Variants in ILKAP observed in about 807,000 individuals in gnomAD.
The protein encoded by ILKAP is ILK associated serine/threonine phosphatase, also known as integrin-linked kinase-associated serine/threonine phosphatase 2C.
ILKAP carries 11 observed loss-of-function variants against 49.1 expected under a neutral mutation model. The observed-to-expected ratio is 0.22, with a 90% confidence interval of 0.14 to 0.37. The LOEUF is 0.37. Ranked by LOEUF, ILKAP falls within the 10% of genes least tolerant of loss-of-function variation. The pLI, the probability that ILKAP is intolerant of heterozygous loss-of-function variation, is 1.00. For synonymous variants in ILKAP, 186 were observed against 192.8 expected, an observed-to-expected ratio of 0.96 and a Z score of 0.29; for missense variants, 363 against 510.8, an observed-to-expected ratio of 0.71 and a Z score of 2.79.
chr2:238,182,131 C>T lies in ILKAP; in HGVS notation c.770G>A (p.Ser257Asn). 2 of 1,613,874 alleles carry T rather than the reference C, an allele frequency of 1.2e-6. No individual in the cohort carries two copies. The highest frequency in any genetic ancestry group is 1.7e-6 in the Non-Finnish European group (2 of 1,179,842). Reference sequence around the variant, plus strand: ...ATACTGAGTTGGATTATGCTCTTTGCTGAGGCTTAAGGCTGCATGTTTTTG... The same window carrying T: ...ATACTGAGTTGGATTATGCTCTTTGTTGAGGCTTAAGGCTGCATGTTTTTG... The part of the protein sequence containing the change: ...ESQKHAALSL[S>N]KEHNPTQYEE... The change falls in exon 9 of 12, where the codon AGC becomes AAC. Residue 257 changes from serine (S) to asparagine (N), a missense_variant. This residue lies in a region of ILKAP where 166 missense variants were observed against 307.3 expected (regional missense o/e 0.54). Coordinates refer to ENST00000254654, the MANE Select transcript of ILKAP (RefSeq NM_030768.3).
intron 3 of ILKAP, among the ~76,000 whole-genome samples, chr2:238,190,590 G>GT (rs1559297643): frequency 6.6e-6 from 1 of 152,168 alleles, no homozygotes; most frequent in Non-Finnish European, 1.5e-5. Flanking sequence ...TCACCCGTGC[G>GT]TAACATGGTA....
intron 8 of ILKAP, 46 bp downstream of exon 8, chr2:238,183,607 C>T: frequency 7.5e-7 from 1 of 1,339,528 alleles, no homozygotes; most frequent in Non-Finnish European, 1.1e-6. Context: ...GTCTTTTCCC[C>T]ATAAAACGTA....
intron 1 of ILKAP, among the ~76,000 whole-genome samples, chr2:238,198,341 C>G (rs1295861819): frequency 6.6e-6 from 1 of 152,032 alleles, no homozygotes; most frequent in Non-Finnish European, 1.5e-5. Context: ...TGGGCTCAAG[C>G]AATCCTCCCT....
chr2:238,200,169 A>G (rs375230321), intron 1 of ILKAP, among the ~76,000 whole-genome samples: 2 of 151,892 alleles, frequency 1.3e-5, no homozygotes, highest in Admixed American at 6.6e-5. Flanking sequence ...ATGACATAGG[A>G]AAGTTCCATT....
rs1207547138 is a variant in ILKAP, at chr2:238,184,194, TTGTTTTA to T, written c.533-88_533-82del. 10 of 874,848 alleles carry T rather than the reference TTGTTTTA, an allele frequency of 1.1e-5. No individual in the cohort carries two copies. The East Asian group carries it at 2.2e-4, about 19-fold the overall frequency. 54.2% of individuals were successfully genotyped at this position (874,848 alleles called of 1,614,324 possible). Reference sequence around the variant, plus strand: ...TCCCACTGTCATTTTGGTTTGTTTTTTGTTTTATTTTTTTGAGACGGAGTCTCGTTCT... The same window carrying T: ...TCCCACTGTCATTTTGGTTTGTTTTTTTTTTTTGAGACGGAGTCTCGTTCT... On this transcript the variant is annotated intron_variant, in intron 6 of 11. Transcript: ENST00000254654.
intron 9 of ILKAP, among the ~76,000 whole-genome samples, chr2:238,181,442 AAG>A (rs1559291773): frequency 1.3e-5 from 2 of 152,202 alleles, no homozygotes; most frequent in South Asian, 2.1e-4. Flanking sequence ...CAAAGATTTA[AAG>A]AGAGAGTGAA....
intron 9 of ILKAP, among the ~76,000 whole-genome samples, chr2:238,180,919 C>T (rs559468795): frequency 4.6e-5 from 7 of 152,346 alleles, no homozygotes; most frequent in African/African-American, 1.7e-4. Flanking sequence ...GTTAGAGTCA[C>T]ATTCTCAGGC....
At chr2:238,183,985 A>T in intron 7 of ILKAP, 35 bp downstream of exon 7, 1 of 1,286,990 alleles carries the variant, frequency 7.8e-7, no homozygotes, top group Non-Finnish European at 1.1e-6. Flanking sequence ...CACCACACAC[A>T]GTCCACTCAA....
intron 2 of ILKAP, 48 bp from the exon 3 acceptor site, chr2:238,194,379 C>T: frequency 1.3e-6 from 2 of 1,577,728 alleles, no homozygotes; most frequent in Non-Finnish European, 1.7e-6. Context: ...ATATGTAAGA[C>T]TTAAGTTTCA....
At chr2:238,189,213 G>T (rs775318707) in intron 4 of ILKAP, among the ~76,000 whole-genome samples, 23 of 152,144 alleles carry the variant, frequency 1.5e-4, no homozygotes, top group Non-Finnish European at 3.4e-4. Flanking sequence ...AGCTACTCGG[G>T]AGGCTGAGGT....
intron 6 of ILKAP, among the ~76,000 whole-genome samples, chr2:238,184,953 G>A (rs954293043): frequency 1.3e-5 from 2 of 152,096 alleles, no homozygotes; most frequent in Admixed American, 6.6e-5. Context: ...ACCCAAAGAC[G>A]ATTGACAAAA....
rs148640129 is a variant in ILKAP, at chr2:238,192,404, A to G, written c.178+1871T>C. ...TTTGTAAATGGTTCCTGCCCGCTTA[A>G]GAATGTGTTATCGGGCCGGGCAAGG... On this transcript the variant is annotated intron_variant, in intron 3 of 11. Transcript: ENST00000254654. 5.8e-4 allele frequency among the ~76,000 whole-genome samples: 88 copies of G among 152,072 alleles called. 1 individual carries two copies. Among genetic ancestry groups the G allele is most frequent in the African/African-American group, 2.1e-3 (87 of 41,468 alleles).
At chr2:238,181,266 GA>G (rs1330009350) in intron 9 of ILKAP, among the ~76,000 whole-genome samples, 1 of 151,496 alleles carries the variant, frequency 6.6e-6, no homozygotes, top group African/African-American at 2.4e-5. Context: ...ATCTCTGGCA[GA>G]AAATAAAATT....
chr2:238,191,369 G>A (rs1207534606), intron 3 of ILKAP, among the ~76,000 whole-genome samples: 1 of 152,132 alleles, frequency 6.6e-6, no homozygotes, highest in Non-Finnish European at 1.5e-5. Context: ...TGAACCGCCT[G>A]TGTCAGACAT....
chr2:238,187,558 T>C (rs990165034), intron 5 of ILKAP, among the ~76,000 whole-genome samples: 8 of 152,242 alleles, frequency 5.3e-5, no homozygotes, highest in Admixed American at 2.6e-4. Context: ...GTTTGTATAG[T>C]TGCAGCTAAT....
intron 9 of ILKAP, among the ~76,000 whole-genome samples, chr2:238,175,807 T>C (rs1693427524): frequency 6.6e-6 from 1 of 152,180 alleles, no homozygotes; most frequent in Non-Finnish European, 1.5e-5. Context: ...GAAAAGGTCC[T>C]GCTATGTTGC....
At chr2:238,197,430 A>G (rs1038784067) in intron 1 of ILKAP, among the ~76,000 whole-genome samples, 6 of 152,194 alleles carry the variant, frequency 3.9e-5, no homozygotes, top group African/African-American at 1.4e-4. Context: ...TTTACAGGTA[A>G]CAGCCCAACA....
intron 1 of ILKAP, 48 bp downstream of exon 1, chr2:238,203,451 C>T: frequency 8.7e-7 from 1 of 1,145,810 alleles, no homozygotes; most frequent in South Asian, 2.3e-5. Flanking sequence ...CCGCCCCCAT[C>T]CCGCCTGCTC....
At chr2:238,190,223 CT>C (rs1694066186) in intron 3 of ILKAP, among the ~76,000 whole-genome samples, 1 of 152,134 alleles carries the variant, frequency 6.6e-6, no homozygotes, top group Admixed American at 6.5e-5. Flanking sequence ...TTGTAAAAGA[CT>C]TTTCCCAGTG....
Sources: allele counts gnomAD v4.1 joint callset (sites outside exome capture counted in the v4.1 genomes callset), GRCh38; gene constraint gnomAD v4.1.1; regional missense constraint gnomAD v4.1.1; transcripts MANE v1.5; gene names NCBI Gene and HGNC (gene_info 2026-07-23, HGNC 2026-07-21).